ARFGEF3: variants seen among roughly 807,000 people sequenced by gnomAD.
The protein encoded by ARFGEF3 is brefeldin A-inhibited guanine nucleotide-exchange protein 3.
ARFGEF3 carries 96 observed loss-of-function variants against 221.7 expected under a neutral mutation model. That is an observed-to-expected ratio of 0.43 (90% CI 0.37 to 0.51). The LOEUF (loss-of-function observed/expected upper bound fraction) is 0.51. ARFGEF3 is among the 20% of genes least tolerant of loss of function. The pLI, the probability that ARFGEF3 is intolerant of heterozygous loss-of-function variation, is 0.00. For synonymous variants in ARFGEF3, 1,145 were observed against 1,126.8 expected (o/e 1.02, Z -0.32); for missense variants, 2,410 against 2,789.9 (o/e 0.86, Z 3.07).
chr6:138,265,875 G>T (rs1372413094), intron 12 of ARFGEF3, among the ~76,000 whole-genome samples: 1 of 152,010 alleles, frequency 6.6e-6, no homozygotes. Flanking sequence ...AAGTAGCTGA[G>T]ACTATACGCA....
intron 12 of ARFGEF3, among the ~76,000 whole-genome samples, chr6:138,264,573 A>G (rs1291897152): frequency 2.0e-5 from 3 of 152,296 alleles, no homozygotes; most frequent in Admixed American, 2.0e-4. Flanking sequence ...CTCTTCTACC[A>G]CTTAACCTTG....
chr6:138,210,504 A>G (rs1454702001), intron 4 of ARFGEF3, among the ~76,000 whole-genome samples: 1 of 151,868 alleles, frequency 6.6e-6, no homozygotes, highest in Non-Finnish European at 1.5e-5. Flanking sequence ...CCTTCAAATT[A>G]TATGAAACTT....
chr6:138,206,130 A>T (rs1223448563), intron 2 of ARFGEF3, among the ~76,000 whole-genome samples: 1 of 152,234 alleles, frequency 6.6e-6, no homozygotes, highest in African/African-American at 2.4e-5. Context: ...GTGGGGGTGG[A>T]GAAACCTGGT....
At chr6:138,319,651 A>G in intron 27 of ARFGEF3, 52 bp from the exon 28 acceptor site, 2 of 1,375,010 alleles carry the variant, frequency 1.5e-6, no homozygotes, top group Non-Finnish European at 2.0e-6. Context: ...GGTGGAGGCA[A>G]AGAGCTTCCC....
At chr6:138,226,035 A>ATGTCT in intron 4 of ARFGEF3, among the ~76,000 whole-genome samples, 1 of 152,330 alleles carries the variant, frequency 6.6e-6, no homozygotes, top group Non-Finnish European at 1.5e-5. Flanking sequence ...ACACCAAATC[A>ATGTCT]CATGCATGAT....
intron 17 of ARFGEF3, among the ~76,000 whole-genome samples, chr6:138,289,201 C>T (rs1779354346): frequency 6.6e-6 from 1 of 152,224 alleles, no homozygotes; most frequent in African/African-American, 2.4e-5. Context: ...GATCCACCTG[C>T]CTTGGCCTCC....
rs1031977400 is a variant in ARFGEF3, at chr6:138,343,833, A to G, written c.*7347A>G. 2 of 152,158 alleles carry G rather than the reference A, an allele frequency of 1.3e-5. No individual in the cohort carries two copies. The highest frequency in any genetic ancestry group is 2.9e-5 in the Non-Finnish European group (2 of 68,038). 9.4% of individuals were successfully genotyped at this position (152,158 alleles called of 1,614,324 possible). ...AATTGATTTCCCACAAAATAGGCAAAGCTGAACAAAGATGAATGCTTTTGA... is the reference window on the plus strand; with the variant it reads ...AATTGATTTCCCACAAAATAGGCAAGGCTGAACAAAGATGAATGCTTTTGA... On this transcript the variant is annotated 3_prime_UTR_variant, in exon 34 of 34. Coordinates refer to ENST00000251691, the MANE Select transcript of ARFGEF3 (RefSeq NM_020340.5).
At chr6:138,290,346 C>T (rs1779380949) in intron 18 of ARFGEF3, among the ~76,000 whole-genome samples, 1 of 152,176 alleles carries the variant, frequency 6.6e-6, no homozygotes, top group Admixed American at 6.5e-5. Flanking sequence ...TTATCAATGT[C>T]CTCTTTACTT....
chr6:138,295,738 C>G (rs142083101), intron 20 of ARFGEF3, among the ~76,000 whole-genome samples: 2,157 of 152,196 alleles, frequency 0.014, 16 homozygotes, highest in Admixed American at 0.024. Flanking sequence ...ATGATTATTA[C>G]AGGTTGAGTA....
intron 2 of ARFGEF3, among the ~76,000 whole-genome samples, chr6:138,177,100 T>TTTATA (rs1562343301): frequency 1.8e-3 from 189 of 103,092 alleles, no homozygotes; most frequent in African/African-American, 7.7e-3. Context: ...TTTATTTATA[T>TTTATA]TTTTTTTGAG....
intron 19 of ARFGEF3, 69 bp from the exon 20 acceptor site, chr6:138,293,924 T>C (rs1403800497): frequency 6.7e-7 from 1 of 1,497,316 alleles, no homozygotes; most frequent in Non-Finnish European, 9.1e-7. Flanking sequence ...AAAATTACCA[T>C]AATCATTCTG....
intron 2 of ARFGEF3, among the ~76,000 whole-genome samples, chr6:138,192,121 GC>G (rs1777315169): frequency 6.6e-6 from 1 of 152,140 alleles, no homozygotes; most frequent in South Asian, 2.1e-4. Context: ...CCCACCCAAA[GC>G]CTGCCCTTTT....
At position 138,278,602 on chromosome 6, in the gene ARFGEF3, G is replaced by C; in HGVS notation, c.2280G>C (p.Leu760=). The change falls in exon 13 of 34, where the codon CTG becomes CTC. Residue 760 remains leucine (L), a synonymous_variant. Transcript: ENST00000251691. ...ACTACTACAGGAAGCGGCCGACCCT[G>C]GCGCCAGGCGTGATGGTGAGTGTGC... ...HGDYYRKRPT[L]APGVMKDFMK... is the part of the protein sequence containing the mutation. The C allele has an allele frequency of 6.2e-7, 1 of 1,613,878 alleles. No homozygotes were observed. The highest frequency in any genetic ancestry group is 1.3e-5 in the African/African-American group (1 of 75,040).
chr6:138,321,372 ATTC>A (rs1423153053), intron 29 of ARFGEF3, 147 bp downstream of exon 29: 2 of 596,000 alleles, frequency 3.4e-6, no homozygotes, highest in Non-Finnish European at 5.9e-6. Flanking sequence ...TGTGCTAATA[ATTC>A]TTCATTTCAG....
intron 2 of ARFGEF3, among the ~76,000 whole-genome samples, chr6:138,190,777 A>G (rs76042872): frequency 0.013 from 2,036 of 152,330 alleles, 32 homozygotes; most frequent in Middle Eastern, 0.058. Flanking sequence ...TGTGAAGAAC[A>G]TAGGAAAACT....
intron 26 of ARFGEF3, among the ~76,000 whole-genome samples, chr6:138,315,706 C>G (rs573872086): frequency 1.8e-4 from 27 of 151,946 alleles, no homozygotes; most frequent in Non-Finnish European, 3.1e-4. Flanking sequence ...AAAAATTAGT[C>G]AAGCGTGGTG....
chr6:138,303,170 T>C (rs1779656083), intron 22 of ARFGEF3, among the ~76,000 whole-genome samples: 1 of 152,140 alleles, frequency 6.6e-6, no homozygotes, highest in Non-Finnish European at 1.5e-5. Flanking sequence ...CAGTATTAAC[T>C]TGAGGTACAA....
chr6:138,240,697 G>A (rs1562364718), intron 6 of ARFGEF3, among the ~76,000 whole-genome samples: 1 of 152,196 alleles, frequency 6.6e-6, no homozygotes, highest in African/African-American at 2.4e-5. Context: ...CCCTGGAGAT[G>A]TGATTCCATG....
chr6:138,240,756 T>C (rs1000102856), intron 6 of ARFGEF3, among the ~76,000 whole-genome samples: 4 of 152,238 alleles, frequency 2.6e-5, no homozygotes, highest in African/African-American at 9.7e-5. Flanking sequence ...GCATTTGTGA[T>C]GTCCAATGGA....
Sources: allele counts gnomAD v4.1 joint callset (sites outside exome capture counted in the v4.1 genomes callset), GRCh38; gene constraint gnomAD v4.1.1; transcripts MANE v1.5; gene names NCBI Gene and HGNC (gene_info 2026-07-23, HGNC 2026-07-21).